Variants in DGKQ observed in about 807,000 individuals in gnomAD.
The protein encoded by DGKQ is diacylglycerol kinase theta, also known as DAG kinase theta.
A neutral mutation model predicts 104.2 loss-of-function variants in DGKQ; 97 were observed. The observed-to-expected ratio is 0.93, with a 90% confidence interval of 0.79 to 1.10. DGKQ has a LOEUF of 1.10. Ranked by LOEUF, DGKQ falls within the 50% of genes least tolerant of loss-of-function variation. The pLI is 0.00. For missense variants in DGKQ, 1,465 were observed against 1,352.1 expected (o/e 1.08, Z -1.31); for synonymous variants, 736 against 595.2 (o/e 1.24, Z -3.44).
At chr4:972,050 A>G (rs888559272) in intron 1 of DGKQ, among the ~76,000 whole-genome samples, 27 of 150,906 alleles carry the variant, frequency 1.8e-4, no homozygotes, top group Admixed American at 1.3e-3. Flanking sequence ...CTCCTCTGCC[A>G]TGGAGACAGG....
At chr4:970,126 G>A (rs1028922260) in intron 2 of DGKQ, among the ~76,000 whole-genome samples, 2 of 152,222 alleles carry the variant, frequency 1.3e-5, no homozygotes, top group African/African-American at 2.4e-5. Context: ...GCTCACACCC[G>A]GGGAACTGCA....
At position 973,503 on chromosome 4, in the gene DGKQ, G is replaced by A. The variant is rs1465109985; in HGVS notation, c.-21C>T. ...GCCATTCCCGGCCCGAGCGGCCCGA[G>A]CCCCTTTAGGTCCGCGCCGGGGGTA... is the stretch of plus-strand genomic sequence containing the variant. On this transcript the variant is annotated 5_prime_UTR_variant, in exon 1 of 23. Coordinates refer to ENST00000273814, the MANE Select transcript of DGKQ (RefSeq NM_001347.4). 3.0e-5 allele frequency: 30 copies of A among 985,674 alleles called. No individual in the cohort carries two copies. The highest frequency in any genetic ancestry group is 3.4e-5 in the Non-Finnish European group (28 of 830,692). The allele number at this position is 985,674 out of a possible 1,614,324, so 61.1% of individuals were successfully genotyped here. A position where few individuals can be genotyped will look rare whatever the true frequency, so the allele number is the denominator to read the frequency against.
chr4:966,124 A>G, intron 12 of DGKQ, 46 bp from the exon 13 acceptor site: 2 of 1,543,990 alleles, frequency 1.3e-6, no homozygotes, highest in Non-Finnish European at 1.8e-6. Flanking sequence ...GAACGGCACC[A>G]CCGCACCAGG....
intron 16 of DGKQ, 39 bp from the exon 17 acceptor site, chr4:962,959 C>T (rs749642521): frequency 8.9e-5 from 140 of 1,577,408 alleles, no homozygotes; most frequent in East Asian, 7.2e-4. Flanking sequence ...CAGCTGCGGG[C>T]GCAGCCCATC....
intron 2 of DGKQ, among the ~76,000 whole-genome samples, chr4:970,366 A>G (rs1178118928): frequency 1.3e-5 from 2 of 152,170 alleles, no homozygotes; most frequent in South Asian, 2.1e-4. Flanking sequence ...CCCTTCCTAC[A>G]TGTCCCTGCT....
Position 958,986 on chromosome 4 carries a change from C to G in DGKQ, c.*1634G>C, listed in dbSNP as rs948786241. On this transcript the variant is annotated 3_prime_UTR_variant, in exon 23 of 23. Coordinates refer to ENST00000273814, the MANE Select transcript of DGKQ (RefSeq NM_001347.4). ...GGGGCCCGGTGTGCAGGGCACAGAC[C>G]CCACCTGGGTACAGACTCACATACA... 11 of 161,564 alleles carry G rather than the reference C, an allele frequency of 6.8e-5. No individual in the cohort carries two copies. In the South Asian group the frequency reaches 7.6e-4, roughly 11 times the overall value. The allele number at this position is 161,564 out of a possible 1,614,324, so 10.0% of individuals were successfully genotyped here.
Position 968,554 on chromosome 4 carries a change from C to A in DGKQ, c.462G>T (p.Leu154=), listed in dbSNP as rs1712655260. Residue 154 remains leucine, a synonymous_variant, in exon 4 of 23, where the codon CTG becomes CTT. Transcript: ENST00000273814. ...AGGGCACACAGTCTGGGTGGAGGTGCAGCTCACACACTGGGGGGCAGGCAG... is the reference window on the plus strand; with the variant it reads ...AGGGCACACAGTCTGGGTGGAGGTGAAGCTCACACACTGGGGGGCAGGCAG... ...APALHCEVCE[L]HLHPDCVPFA... 6.2e-7 allele frequency: 1 copy of A among 1,608,280 alleles called. No individual in the cohort carries two copies.
chr4:961,976 C>T lies in DGKQ; in HGVS notation c.2315+6G>A, dbSNP rs536470681. Reference sequence around the variant, plus strand: ...TGACAGGTGGTAGCCCCTGCGGCTCCGGTACCTGCTTGTGAACTTGCCAGG... The same window carrying T: ...TGACAGGTGGTAGCCCCTGCGGCTCTGGTACCTGCTTGTGAACTTGCCAGG... On this transcript the variant is annotated splice_donor_region_variant and intron_variant, in intron 19 of 22. Coordinates refer to ENST00000273814, the MANE Select transcript of DGKQ (RefSeq NM_001347.4). 7.4e-6 allele frequency: 12 copies of T among 1,612,950 alleles called. No individual in the cohort carries two copies. The highest frequency in any genetic ancestry group is 6.7e-5 in the Admixed American group (4 of 60,010).
At chr4:967,707 G>T (rs775441687) in intron 7 of DGKQ, 21 bp downstream of exon 7, 3 of 1,611,964 alleles carry the variant, frequency 1.9e-6, no homozygotes, top group Non-Finnish European at 2.5e-6. Flanking sequence ...TGGAGTTGGG[G>T]GGAATGAGGC....
chr4:962,686 A>G (rs1368083989), intron 17 of DGKQ, 73 bp from the exon 18 acceptor site: 14 of 1,589,526 alleles, frequency 8.8e-6, no homozygotes, highest in African/African-American at 1.3e-5. Flanking sequence ...CCCCACCACG[A>G]GGACAGCCAG....
chr4:960,047 A>G lies in DGKQ; in HGVS notation c.*573T>C, dbSNP rs917502690. ...AAGGCACCTTCTCCCTTCCCTGAAC[A>G]CAAGGAAGTCACCAGTCACCACCAC... On this transcript the variant is annotated 3_prime_UTR_variant, in exon 23 of 23. Transcript: ENST00000273814. 2 of 153,462 alleles carry G rather than the reference A, an allele frequency of 1.3e-5. No homozygotes were observed. Among genetic ancestry groups the G allele is most frequent in the African/African-American group, 4.8e-5 (2 of 41,468 alleles). 9.5% of individuals were successfully genotyped at this position (153,462 alleles called of 1,614,324 possible).
rs767155174 is a variant in DGKQ, at chr4:963,146, G to A, written c.1879C>T (p.Leu627Phe). The A allele has an allele frequency of 1.3e-6, 2 of 1,597,140 alleles. No individual in the cohort carries two copies. The highest frequency in any genetic ancestry group is 1.1e-5 in the South Asian group (1 of 90,626). ...GGGTCCTGCTGGACTCACCCGGGAA[G>A]AGGACCTCCGTTGGTCAGGTCGAAG... ...QVFDLTNGGP[L>F]PGLHLFSQVP... The change falls in exon 16 of 23, where the codon CTT becomes TTT. Residue 627 changes from leucine (L) to phenylalanine (F), a missense_variant. Physicochemically the swap from Leu to Phe is conservative, Grantham distance 22. Transcript: ENST00000273814.
chr4:963,513 G>A (rs1222704359), intron 15 of DGKQ, among the ~76,000 whole-genome samples: 4 of 152,162 alleles, frequency 2.6e-5, no homozygotes, highest in South Asian at 2.1e-4. Context: ...GAGGACAGCC[G>A]GCTGGCTGCC....
chr4:962,375 G>T, intron 18 of DGKQ, 60 bp downstream of exon 18: 3 of 1,462,244 alleles, frequency 2.1e-6, no homozygotes, highest in Non-Finnish European at 2.7e-6. Flanking sequence ...CCGTTGTGAC[G>T]CGTGTAGCGG....
At chr4:973,062 C>T in intron 1 of DGKQ, 150 bp downstream of exon 1, 1 of 1,264,836 alleles carries the variant, frequency 7.9e-7, no homozygotes, top group Non-Finnish European at 1.0e-6. Flanking sequence ...CGCACAGGCC[C>T]CGGCCGCCCC....
intron 10 of DGKQ, 69 bp downstream of exon 10, chr4:966,895 C>T: frequency 1.3e-6 from 2 of 1,552,656 alleles, no homozygotes; most frequent in Non-Finnish European, 1.7e-6. Context: ...GGATGGTGGC[C>T]TGGCCTCCTG....
At position 971,494 on chromosome 4, in the gene DGKQ, C is replaced by T. The variant is rs1712929006; in HGVS notation, c.272-422G>A. On this transcript the variant is annotated intron_variant, in intron 1 of 22. Coordinates refer to ENST00000273814, the MANE Select transcript of DGKQ (RefSeq NM_001347.4). The surrounding 1 kb of genome is among the most constrained non-coding windows in gnomAD (Gnocchi z 4.0). ...CTCACTCCCCCGAAACTACGCATAC[C>T]CCTAATTGTCCCTGCTACGTGCTGT... is the stretch of plus-strand genomic sequence containing the variant. 6.6e-6 allele frequency among the ~76,000 whole-genome samples: 1 copy of T among 152,194 alleles called. No individual in the cohort carries two copies. Among genetic ancestry groups the T allele is most frequent in the Admixed American group, 6.5e-5 (1 of 15,282 alleles).
intron 19 of DGKQ, 69 bp downstream of exon 19, chr4:961,913 G>T: frequency 6.2e-7 from 1 of 1,608,340 alleles, no homozygotes; most frequent in African/African-American, 1.3e-5. Context: ...CGGCCCCTCT[G>T]CCTGTTCCTG....
chr4:961,235 G>T, intron 21 of DGKQ, 34 bp from the exon 22 acceptor site: 1 of 1,497,822 alleles, frequency 6.7e-7, no homozygotes, highest in Non-Finnish European at 8.9e-7. Context: ...GCTCAGCGGG[G>T]ATCAGGGACG....
Sources: gnomAD v4.1 joint callset for allele counts (sites outside exome capture counted in the v4.1 genomes callset) on GRCh38, gnomAD v4.1.1 for gene constraint, Gnocchi (gnomAD v3.1) non-coding constraint, MANE v1.5 for transcripts, NCBI Gene and HGNC (gene_info 2026-07-23, HGNC 2026-07-21) for gene names.